Variants in NUP210 observed in about 807,000 individuals in gnomAD.
NUP210 encodes the protein nucleoporin 210.
NUP210 carries 151 observed loss-of-function variants against 196.0 expected under a neutral mutation model. The observed-to-expected ratio is 0.77, with a 90% CI of 0.67 to 0.88. The LOEUF (loss-of-function observed/expected upper bound fraction) is 0.88, where lower values mean the gene tolerates loss of function less well. Among genes scored for constraint, NUP210 ranks in the 40% least tolerant of loss-of-function variants. The probability of loss-of-function intolerance (pLI) is 0.00; values close to 1 mark genes in which losing one functional copy is unlikely to be tolerated. For synonymous variants in NUP210, 1,070 were observed against 1,052.7 expected, an observed-to-expected ratio of 1.02 and a Z score of -0.32; for missense variants, 2,314 against 2,493.7, an observed-to-expected ratio of 0.93 and a Z score of 1.53.
chr3:13,391,066 G>C (rs1699473761), intron 4 of NUP210, 145 bp downstream of exon 4: 2 of 636,424 alleles, frequency 3.1e-6, no homozygotes, highest in Non-Finnish European at 5.7e-6. Context: ...TCCTCAATCA[G>C]ACACTCGGAA....
chr3:13,344,893 T>A (rs1431063995), intron 20 of NUP210: 1 of 980,302 alleles, frequency 1.0e-6, no homozygotes, highest in Non-Finnish European at 1.2e-6. Flanking sequence ...CAGGCCCAGG[T>A]CCAGCGTCCT....
At position 13,378,956 on chromosome 3, in the gene NUP210, C is replaced by T; in HGVS notation, c.1001G>A (p.Arg334Lys). 1 of 1,614,070 alleles carries T rather than the reference C, an allele frequency of 6.2e-7. No individual in the cohort carries two copies. The highest frequency in any genetic ancestry group is 8.5e-7 in the Non-Finnish European group (1 of 1,179,942). ...CACGTAGATAGTGCTGTTGGGTAAC[C>T]TAGAAGCACCTTGCATGCGAATACC... ...HRSIRMQGASRLPNSTIYVVE... is the reference protein window; with the variant it reads ...HRSIRMQGASKLPNSTIYVVE... Residue 334 changes from arginine to lysine, a missense_variant, in exon 8 of 40, where the codon AGG (arginine) becomes AAG (lysine). Transcript: ENST00000254508.
Position 13,317,594 on chromosome 3 carries a change from G to T in NUP210, c.*87C>A. The T allele has an allele frequency of 4.0e-6, 4 of 996,448 alleles. No homozygotes were observed. The Admixed American group carries it at 6.0e-5, about 15-fold the overall frequency. The allele number at this position is 996,448 out of a possible 1,614,324, so 61.7% of individuals were successfully genotyped here. The stretch of plus-strand genomic sequence containing the variant: ...CCGGGGCACTCATCTGGAGGGGCTT[G>T]TTCCAGTGTGAATGCAGCAGGGATG... On this transcript the variant is annotated 3_prime_UTR_variant, in exon 40 of 40. Coordinates refer to ENST00000254508, the MANE Select transcript of NUP210 (RefSeq NM_024923.4).
intron 1 of NUP210, among the ~76,000 whole-genome samples, chr3:13,419,525 T>C (rs535340063): frequency 1.3e-5 from 2 of 152,292 alleles, no homozygotes; most frequent in Admixed American, 1.3e-4. Flanking sequence ...ACTTCGCCTC[T>C]GTAAAGCGGC....
chr3:13,371,584 G>T lies in NUP210; in HGVS notation c.1786+250C>A, dbSNP rs559700738. Among the ~76,000 whole-genome samples, 419 of 152,364 alleles carry T rather than the reference G, an allele frequency of 2.7e-3. 1 individual carries two copies. The highest frequency in any genetic ancestry group is 4.6e-3 in the Non-Finnish European group (312 of 68,034). ...AGGCACTTTGATGTGATTCTATGTA[G>T]ATGACACACAGCTTAGAGATGTGAA... On this transcript the variant is annotated intron_variant, in intron 13 of 39. Transcript: ENST00000254508.
rs747895657 is a variant in NUP210, at chr3:13,335,519, C to T, written c.3778G>A (p.Val1260Met). 9.9e-6 allele frequency: 16 copies of T among 1,614,042 alleles called. No homozygotes were observed. Among genetic ancestry groups the T allele is most frequent in the African/African-American group, 2.7e-5 (2 of 74,960 alleles). The change falls in exon 28 of 40, where the codon GTG becomes ATG. Residue 1260 changes from valine to methionine, a missense_variant. Val to Met is a conservative substitution (Grantham distance 21). Transcript: ENST00000254508. ...TACAGCTGCCCCGATGTGGGGTCCA[C>T]AGCCTTGACCACCACCCTCAGCCCG... ...RTGLRVVVKA[V>M]DPTSGQLYGL...
chr3:13,323,573 C>T lies in NUP210; in HGVS notation c.4645-141G>A, dbSNP rs1361307864. 1.9e-5 allele frequency: 17 copies of T among 905,718 alleles called. No homozygotes were observed. Among genetic ancestry groups the T allele is most frequent in the South Asian group, 5.2e-5 (3 of 58,074 alleles). 56.1% of individuals were successfully genotyped at this position (905,718 alleles called of 1,614,324 possible). ...GCAACACTGAGGCTCAAAGCCTAAACGCCTTGCTAGAATGTGGCAGAGAGG... is the reference window on the plus strand; with the variant it reads ...GCAACACTGAGGCTCAAAGCCTAAATGCCTTGCTAGAATGTGGCAGAGAGG... On this transcript the variant is annotated intron_variant, in intron 33 of 39. Transcript: ENST00000254508. The surrounding 1 kb of genome is among the most constrained non-coding windows in gnomAD (Gnocchi z 4.3).
chr3:13,390,918 T>G lies in NUP210; in HGVS notation c.533+293A>C, dbSNP rs1309704960. On this transcript the variant is annotated intron_variant, in intron 4 of 39. Coordinates refer to ENST00000254508, the MANE Select transcript of NUP210 (RefSeq NM_024923.4). The stretch of plus-strand genomic sequence containing the variant: ...GTGCAGCCTGGGGCCACCCACACTT[T>G]CCCTGTGCCCTGAGACAGCCATGCA... 3.3e-5 allele frequency among the ~76,000 whole-genome samples: 5 copies of G among 152,156 alleles called. No individual in the cohort carries two copies. In the East Asian group the frequency reaches 7.7e-4, roughly 23 times the overall value.
chr3:13,343,355 A>T, intron 20 of NUP210, 52 bp from the exon 21 acceptor site: 1 of 1,588,194 alleles, frequency 6.3e-7, no homozygotes, highest in Non-Finnish European at 8.6e-7. Context: ...ACGCAGCTGC[A>T]GGGCCCCCCT....
At chr3:13,374,954 T>G (rs1391069183) in intron 11 of NUP210, among the ~76,000 whole-genome samples, 1 of 152,092 alleles carries the variant, frequency 6.6e-6, no homozygotes, top group Non-Finnish European at 1.5e-5. Context: ...TAATGCCAGG[T>G]GGAAGTATTA....
At chr3:13,402,271 G>T (rs1699862200) in intron 1 of NUP210, among the ~76,000 whole-genome samples, 1 of 152,092 alleles carries the variant, frequency 6.6e-6, no homozygotes. Flanking sequence ...GGGGAAAAGA[G>T]AATTCATCAT....
chr3:13,394,382 T>G (rs1224080184), intron 3 of NUP210, among the ~76,000 whole-genome samples: 1 of 152,230 alleles, frequency 6.6e-6, no homozygotes, highest in East Asian at 1.9e-4. Flanking sequence ...TATTAGTACC[T>G]ACTATGTGCA....
intron 6 of NUP210, among the ~76,000 whole-genome samples, chr3:13,382,863 G>A (rs2124925943): frequency 6.6e-6 from 1 of 152,274 alleles, no homozygotes; most frequent in East Asian, 1.9e-4. Flanking sequence ...AATCCAGCTA[G>A]GCTGAGCATG....
At position 13,379,712 on chromosome 3, in the gene NUP210, A is replaced by G; in HGVS notation, c.827T>C (p.Met276Thr). The G allele has an allele frequency of 6.3e-7, 1 of 1,585,778 alleles. No individual in the cohort carries two copies. Among genetic ancestry groups the G allele is most frequent in the East Asian group, 2.3e-5 (1 of 44,396 alleles). ...IRQGKITELS[M>T]PSDQYELQLQ... ...CTGCAACTCGTACTGATCGGAAGGC[A>G]TGGAGAGTTCTGGCCACCAAGAAAC... Residue 276 changes from methionine to threonine, a missense_variant, in exon 7 of 40, where the codon ATG becomes ACG. By Grantham distance (81) the Met-to-Thr change is moderately conservative. Transcript: ENST00000254508. The surrounding 1 kb of genome is among the most constrained non-coding windows in gnomAD (Gnocchi z 4.2).
At position 13,342,095 on chromosome 3, in the gene NUP210, T is replaced by C; in HGVS notation, c.2993A>G (p.Tyr998Cys). 6.2e-7 allele frequency: 1 copy of C among 1,614,202 alleles called. No homozygotes were observed. ...KVEIGKTVKA[Y>C]VRVLDLHKKP... ...CTTGTGCAAGTCCAGCACGCGGACG[T>C]ATGCCTTCACTGTCTTCCCAATCTC... is the stretch of plus-strand genomic sequence containing the variant. The change falls in exon 22 of 40, where the codon TAC (tyrosine) becomes TGC (cysteine). Residue 998 changes from tyrosine to cysteine, a missense_variant. Coordinates refer to ENST00000254508, the MANE Select transcript of NUP210 (RefSeq NM_024923.4).
In NUP210 at chr3:13,397,712, C is replaced by G. The variant is rs75026050; in HGVS notation, c.305-224G>C. Among the ~76,000 whole-genome samples the G allele has an allele frequency of 5.1e-3, 773 of 152,264 alleles. 8 individuals are homozygous for G. The highest frequency in any genetic ancestry group is 0.018 in the African/African-American group (737 of 41,570). ...TCACCACCCATTCTGGCTTTTCCAG[C>G]AGGGCACCAGCATTTAAAGCTGTGG... On this transcript the variant is annotated intron_variant, in intron 2 of 39. Transcript: ENST00000254508.
At chr3:13,399,952 C>T (rs563369213) in intron 1 of NUP210, 91 bp from the exon 2 acceptor site, 69 of 1,463,804 alleles carry the variant, frequency 4.7e-5, no homozygotes, top group Admixed American at 1.6e-4. Flanking sequence ...CCGTCTAGGG[C>T]GCAGTCCTGG....
rs987248188 is a variant in NUP210, at chr3:13,358,084, G to A, written c.2328+138C>T. ...ACAAATGAAACCAGCGTCCTCACAG[G>A]GCCAGTTGTTGAGACGAAGGAAGTG... On this transcript the variant is annotated intron_variant, in intron 16 of 39. Coordinates refer to ENST00000254508, the MANE Select transcript of NUP210 (RefSeq NM_024923.4). 4.2e-6 allele frequency: 3 copies of A among 710,782 alleles called. No homozygotes were observed. The African/African-American group carries it at 5.4e-5, about 13-fold the overall frequency. The allele number at this position is 710,782 out of a possible 1,614,324, so 44.0% of individuals were successfully genotyped here.
In NUP210 at chr3:13,379,612, C is replaced by T; in HGVS notation, c.927G>A (p.Met309Ile). ...TCTGTCCCAGCTGCAGTGCAGTGAC[C>T]ATCGACGTGTCCTGGGCCAAGACAG... Reference protein sequence around the residue: ...PVAVLAQDTSMVTALQLGQSS... With the variant: ...PVAVLAQDTSIVTALQLGQSS... Residue 309 changes from methionine (M) to isoleucine (I), a missense_variant, in exon 7 of 40, where the codon ATG (methionine) becomes ATA (isoleucine). By Grantham distance (10) the Met-to-Ile change is conservative. Transcript: ENST00000254508. The surrounding 1 kb of genome is among the most constrained non-coding windows in gnomAD (Gnocchi z 4.2). 4 of 1,614,122 alleles carry T rather than the reference C, an allele frequency of 2.5e-6. No individual in the cohort carries two copies. The highest frequency in any genetic ancestry group is 3.4e-6 in the Non-Finnish European group (4 of 1,180,024).
Sources: allele counts gnomAD v4.1 joint callset (sites outside exome capture counted in the v4.1 genomes callset), GRCh38; gene constraint gnomAD v4.1.1; non-coding constraint Gnocchi (gnomAD v3.1); transcripts MANE v1.5; gene names NCBI Gene and HGNC (gene_info 2026-07-23, HGNC 2026-07-21).